Variants in MTAP observed in about 807,000 individuals in gnomAD.
The protein encoded by MTAP is methylthioadenosine phosphorylase.
In MTAP, 33 loss-of-function variants were observed where a neutral mutation model predicts 33.6. The ratio of observed to expected loss-of-function variants is 0.98; its 90% confidence interval spans 0.74 to 1.31. The LOEUF is 1.31. MTAP is among the 40% of genes most tolerant of loss of function. The pLI is 0.00. For synonymous variants in MTAP, 148 were observed against 125.7 expected (o/e 1.18, Z -1.19); for missense variants, 367 against 360.0 (o/e 1.02, Z -0.16).
chr9:21,899,773 G>C (rs887634932), intron 1 of MTAP, among the ~76,000 whole-genome samples: 10 of 152,016 alleles, frequency 6.6e-5, no homozygotes, highest in Non-Finnish European at 1.2e-4. Context: ...TACAATTCAA[G>C]GTGAGATTTG....
At chr9:21,820,016 G>T (rs1440272627) in intron 4 of MTAP, among the ~76,000 whole-genome samples, 1 of 152,062 alleles carries the variant, frequency 6.6e-6, no homozygotes, top group East Asian at 1.9e-4. Context: ...AACTTTGTTT[G>T]AGTTCTTTGT....
intron 5 of MTAP, among the ~76,000 whole-genome samples, chr9:21,854,284 T>A (rs932982571): frequency 6.6e-6 from 1 of 152,230 alleles, no homozygotes; most frequent in South Asian, 2.1e-4. Context: ...AAGACTCCAG[T>A]CTGTATTCTC....
At chr9:21,841,820 A>C (rs752359051) in intron 5 of MTAP, among the ~76,000 whole-genome samples, 8 of 152,096 alleles carry the variant, frequency 5.3e-5, no homozygotes. Context: ...TAGTCTACCA[A>C]AATGACAAGG....
At position 21,862,066 on chromosome 9, in the gene MTAP, G is replaced by A; in HGVS notation, c.*52G>A. 6.2e-7 allele frequency: 1 copy of A among 1,607,532 alleles called. No homozygotes were observed. Among genetic ancestry groups the A allele is most frequent in the Non-Finnish European group, 8.5e-7 (1 of 1,177,642 alleles). On this transcript the variant is annotated 3_prime_UTR_variant, in exon 8 of 8. Transcript: ENST00000644715. ...AAGACATTCTAATTCCAGTCATTTTGGGAATTCCTGCTTAACTTGAAAAAA... is the reference window on the plus strand; with the variant it reads ...AAGACATTCTAATTCCAGTCATTTTAGGAATTCCTGCTTAACTTGAAAAAA...
chr9:21,936,586 A>G (rs1047361599), exon 8 of MTAP: 3 of 152,250 alleles, frequency 2.0e-5, no homozygotes, highest in Admixed American at 2.0e-4. Flanking sequence ...CAAAGGAACT[A>G]AATATATTTA....
intron 1 of MTAP, among the ~76,000 whole-genome samples, chr9:21,895,549 C>G (rs561336659): frequency 6.6e-6 from 1 of 152,316 alleles, no homozygotes; most frequent in East Asian, 1.9e-4. Flanking sequence ...GTCGGGAATT[C>G]CCTTTCCTAG....
intron 5 of MTAP, among the ~76,000 whole-genome samples, chr9:21,853,687 G>A (rs952882169): frequency 1.3e-5 from 2 of 152,144 alleles, no homozygotes; most frequent in African/African-American, 4.8e-5. Context: ...GACCAGCTTA[G>A]TGCATACAGT....
At chr9:21,860,374 G>A (rs1182638652) in intron 7 of MTAP, 1 of 152,286 alleles carries the variant, frequency 6.6e-6, no homozygotes, top group South Asian at 2.1e-4. Flanking sequence ...TTGCAAGCTG[G>A]TACGAACAGA....
At chr9:21,880,756 T>G (rs1327412995) in intron 1 of MTAP, among the ~76,000 whole-genome samples, 3 of 152,014 alleles carry the variant, frequency 2.0e-5, no homozygotes, top group African/African-American at 7.2e-5. Flanking sequence ...CTGAAAGAAA[T>G]AAGACACAAA....
intron 5 of MTAP, among the ~76,000 whole-genome samples, chr9:21,844,842 T>A (rs369895276): frequency 1.3e-5 from 2 of 152,064 alleles, no homozygotes; most frequent in Non-Finnish European, 2.9e-5. Flanking sequence ...CCATCCTGGC[T>A]AACACGGTGA....
Position 21,863,778 on chromosome 9 carries a change from C to T in MTAP, c.*1764C>T, listed in dbSNP as rs1825802176. The T allele has an allele frequency of 1.0e-6, 1 of 985,652 alleles. No homozygotes were observed. The highest frequency in any genetic ancestry group is 1.7e-5 in the African/African-American group (1 of 57,192). The allele number at this position is 985,652 out of a possible 1,614,324, so 61.1% of individuals were successfully genotyped here. On this transcript the variant is annotated 3_prime_UTR_variant, in exon 8 of 8. Transcript: ENST00000644715. The stretch of plus-strand genomic sequence containing the variant: ...CTTTTATTTAAAGAGTTTGTAAAGT[C>T]AATGTGTTTGTTTGTGTCTCTGAGA...
At chr9:21,852,128 T>G (rs1471520979) in intron 5 of MTAP, among the ~76,000 whole-genome samples, 1 of 152,126 alleles carries the variant, frequency 6.6e-6, no homozygotes, top group Admixed American at 6.5e-5. Context: ...TTATTCTCAG[T>G]GAAGTAACTC....
chr9:21,886,362 G>C (rs1818111084), intron 1 of MTAP, among the ~76,000 whole-genome samples: 1 of 152,078 alleles, frequency 6.6e-6, no homozygotes, highest in Non-Finnish European at 1.5e-5. Flanking sequence ...TCTTTTGTCA[G>C]ATGCATAGTT....
chr9:21,895,064 A>C (rs1350463847), intron 1 of MTAP, among the ~76,000 whole-genome samples: 1 of 152,198 alleles, frequency 6.6e-6, no homozygotes, highest in Non-Finnish European at 1.5e-5. Flanking sequence ...GTGCTCATAG[A>C]TAGGAAGCAT....
rs551757585 is a variant in MTAP, at chr9:21,886,318, T to C, written c.147+31448T>C. Among the ~76,000 whole-genome samples, 18 of 152,236 alleles carry C rather than the reference T, an allele frequency of 1.2e-4. No homozygotes were observed. In the South Asian group the frequency reaches 2.3e-3, roughly 19 times the overall value. ...GATGGGATTGTTTTATTCTTGCTGA[T>C]TTGTTTCAGTTCCTTGTGGATTCTG... On this transcript the variant is annotated intron_variant, in intron 1 of 1. Coordinates refer to the MTAP transcript ENST00000577563.
intron 4 of MTAP, among the ~76,000 whole-genome samples, chr9:21,824,540 C>T (rs373757161): frequency 9.8e-5 from 15 of 152,350 alleles, no homozygotes; most frequent in East Asian, 9.7e-4. Flanking sequence ...TTAGCCTACT[C>T]GGGGTTCAGG....
intron 1 of MTAP, among the ~76,000 whole-genome samples, chr9:21,876,684 G>T (rs1013217241): frequency 6.6e-6 from 1 of 151,986 alleles, no homozygotes; most frequent in Admixed American, 6.6e-5. Context: ...TAGATGTGCA[G>T]CCTTATTTCT....
chr9:21,882,148 A>G (rs551802614), intron 1 of MTAP, among the ~76,000 whole-genome samples: 4 of 151,992 alleles, frequency 2.6e-5, no homozygotes, highest in Non-Finnish European at 5.9e-5. Flanking sequence ...TGCAAATACA[A>G]ATGCAAAAGA....
chr9:21,929,586 G>T (rs1453173625), intron 1 of MTAP: 1 of 367,396 alleles, frequency 2.7e-6, no homozygotes, highest in African/African-American at 2.0e-5. Flanking sequence ...CCAAATGCTG[G>T]TTATGTACTA....
Sources: gnomAD v4.1 joint callset for allele counts (sites outside exome capture counted in the v4.1 genomes callset) on GRCh38, gnomAD v4.1.1 for gene constraint, MANE v1.5 for transcripts, NCBI Gene and HGNC (gene_info 2026-07-23, HGNC 2026-07-21) for gene names.